The following POSTN variants were observed in gnomAD, a reference collection of about 807,000 sequenced individuals.
POSTN encodes the protein periostin, also known as osteoblast specific factor 2 (fasciclin I-like).
Under a neutral mutation model 104.5 loss-of-function variants are expected in POSTN, and 71 were observed. The observed-to-expected ratio is 0.68, with a 90% CI of 0.56 to 0.83. The LOEUF is 0.83. POSTN is among the 40% of genes least tolerant of loss of function. POSTN has a pLI of 0.00. For synonymous variants in POSTN, 355 were observed against 340.7 expected, an observed-to-expected ratio of 1.04 and a Z score of -0.46; for missense variants, 949 against 1,006.8, an observed-to-expected ratio of 0.94 and a Z score of 0.78.
At chr13:37,568,252 A>T (rs1950171417) in intron 21 of POSTN, among the ~76,000 whole-genome samples, 1 of 152,050 alleles carries the variant, frequency 6.6e-6, no homozygotes, top group African/African-American at 2.4e-5. Flanking sequence ...TCATTGGTTG[A>T]ATTAAAAATT....
At chr13:37,588,752 G>C (rs2138346094) in intron 4 of POSTN, among the ~76,000 whole-genome samples, 1 of 152,260 alleles carries the variant, frequency 6.6e-6, no homozygotes, top group East Asian at 1.9e-4. Flanking sequence ...ATGTTTCTCA[G>C]ATAATACTAA....
At chr13:37,563,636 T>C (rs1348305611) in intron 22 of POSTN, among the ~76,000 whole-genome samples, 2 of 152,122 alleles carry the variant, frequency 1.3e-5, no homozygotes, top group Non-Finnish European at 2.9e-5. Flanking sequence ...TACTGACACA[T>C]TCTTTAGTTA....
At position 37,595,882 on chromosome 13, in the gene POSTN, C is replaced by T. The variant is rs532331352; in HGVS notation, c.218+1302G>A. On this transcript the variant is annotated intron_variant, in intron 2 of 22. Coordinates refer to ENST00000379747, the MANE Select transcript of POSTN (RefSeq NM_006475.3). Reference sequence around the variant, plus strand: ...CGGGAGTGCAGTGGTGCCATCTCGGCTCACTGCAACCTCCACCTCCTAGGT... The same window carrying T: ...CGGGAGTGCAGTGGTGCCATCTCGGTTCACTGCAACCTCCACCTCCTAGGT... Among the ~76,000 whole-genome samples, 3 of 150,392 alleles carry T rather than the reference C, an allele frequency of 2.0e-5. No homozygotes were observed. In the South Asian group the frequency reaches 6.3e-4, roughly 32 times the overall value.
Position 37,564,427 on chromosome 13 carries a change from A to C in POSTN, c.2473+92T>G, listed in dbSNP as rs1455828669. ...TCTCTCTGATCGATAACAAGTTTCA[A>C]TAAAATACTTTAAAATCTTTCCTAT... On this transcript the variant is annotated intron_variant, in intron 22 of 22. Coordinates refer to ENST00000379747, the MANE Select transcript of POSTN (RefSeq NM_006475.3). The C allele has an allele frequency of 6.7e-6, 5 of 742,142 alleles. No individual in the cohort carries two copies. In the Admixed American group the frequency reaches 1.3e-4, roughly 19 times the overall value. The allele number at this position is 742,142 out of a possible 1,614,324, so 46.0% of individuals were successfully genotyped here.
At position 37,579,363 on chromosome 13, in the gene POSTN, G is replaced by C. The variant is rs1373282796; in HGVS notation, c.1661-4C>G. 3 of 1,559,704 alleles carry C rather than the reference G, an allele frequency of 1.9e-6. No individual in the cohort carries two copies. In the African/African-American group the frequency reaches 4.1e-5, roughly 21 times the overall value. ...TTTTGAAGAGCATTTTTGTCCCCTA[G>C]GGGAAAATATATGTTTATTTTTATT... On this transcript the variant is annotated splice_region_variant and splice_polypyrimidine_tract_variant and intron_variant, in intron 12 of 22. Coordinates refer to ENST00000379747, the MANE Select transcript of POSTN (RefSeq NM_006475.3).
rs1950678652 is a variant in POSTN at position 37,584,111 on chromosome 13, A to G, written c.1109-8T>C. 6.2e-7 allele frequency: 1 copy of G among 1,613,452 alleles called. No homozygotes were observed. Among genetic ancestry groups the G allele is most frequent in the Non-Finnish European group, 8.5e-7 (1 of 1,179,784 alleles). On this transcript the variant is annotated splice_region_variant and splice_polypyrimidine_tract_variant and intron_variant, in intron 8 of 22. Transcript: ENST00000379747. Reference sequence around the variant, plus strand: ...GCTCAATAACTTGTTTGGCTGAAAAATAAACCATCACCATCACAACAATGT... The same window carrying G: ...GCTCAATAACTTGTTTGGCTGAAAAGTAAACCATCACCATCACAACAATGT...
At chr13:37,583,178 C>G in intron 9 of POSTN, among the ~76,000 whole-genome samples, 1 of 152,090 alleles carries the variant, frequency 6.6e-6, no homozygotes, top group Non-Finnish European at 1.5e-5. Flanking sequence ...CTGTGAATAG[C>G]AACTACTAGG....
At chr13:37,587,012 A>G (rs1950767110) in intron 5 of POSTN, 84 bp from the exon 6 acceptor site, 2 of 1,199,490 alleles carry the variant, frequency 1.7e-6, no homozygotes, top group Admixed American at 2.1e-5. Flanking sequence ...CCAGTTTTTC[A>G]TTTATACTAG....
At chr13:37,572,222 A>T (rs1241277937) in intron 17 of POSTN, among the ~76,000 whole-genome samples, 1 of 151,608 alleles carries the variant, frequency 6.6e-6, no homozygotes, top group Non-Finnish European at 1.5e-5. Context: ...AGTACATTTA[A>T]CTCATACTGT....
chr13:37,580,602 C>T lies in POSTN; in HGVS notation c.1488G>A (p.Glu496=), dbSNP rs1306144614. The part of the protein sequence containing the change: ...HIFREIIKPA[E]KSLHEKLKQD... ...GTTTTAACTTTTCATGGAGGGATTT[C>T]TCTGCTGGCTTGATGATCTCGCGGA... is the stretch of plus-strand genomic sequence containing the variant. The change falls in exon 11 of 23, where the codon GAG becomes GAA. Residue 496 remains glutamate (E), a synonymous_variant. Transcript: ENST00000379747. The T allele has an allele frequency of 6.2e-7, 1 of 1,614,092 alleles. No individual in the cohort carries two copies. The highest frequency in any genetic ancestry group is 1.7e-5 in the Admixed American group (1 of 60,012).
intron 1 of POSTN, 56 bp from the exon 2 acceptor site, chr13:37,597,338 G>T: frequency 1.8e-6 from 2 of 1,137,352 alleles, no homozygotes; most frequent in Non-Finnish European, 2.5e-6. Flanking sequence ...CTAGTTTTTC[G>T]TATCTAAAGA....
chr13:37,580,124 C>T (rs538441034), intron 11 of POSTN, 133 bp from the exon 12 acceptor site: 46 of 828,026 alleles, frequency 5.6e-5, no homozygotes, highest in South Asian at 2.0e-4. Context: ...TCATATGTTT[C>T]GAATACAATT....
In POSTN at chr13:37,579,216, C is replaced by A; in HGVS notation, c.1791+13G>T. On this transcript the variant is annotated intron_variant, in intron 13 of 22. Coordinates refer to ENST00000379747, the MANE Select transcript of POSTN (RefSeq NM_006475.3). Reference sequence around the variant, plus strand: ...GGATGAACACTATCATAAATTCATTCTAGACAACTTACTTCTTTCAGAAAG... The same window carrying A: ...GGATGAACACTATCATAAATTCATTATAGACAACTTACTTCTTTCAGAAAG... 6.2e-7 allele frequency: 1 copy of A among 1,609,436 alleles called. No homozygotes were observed. Among genetic ancestry groups the A allele is most frequent in the Middle Eastern group, 1.7e-4 (1 of 6,050 alleles).
intron 16 of POSTN, among the ~76,000 whole-genome samples, chr13:37,576,496 T>C (rs1294867802): frequency 6.6e-6 from 1 of 152,132 alleles, no homozygotes; most frequent in Non-Finnish European, 1.5e-5. Flanking sequence ...AAAATAATTA[T>C]ATTTTTGCTC....
At chr13:37,585,633 A>G (rs1248422768) in intron 7 of POSTN, among the ~76,000 whole-genome samples, 1 of 152,146 alleles carries the variant, frequency 6.6e-6, no homozygotes, top group African/African-American at 2.4e-5. Flanking sequence ...CTCATCTTAA[A>G]TTGGTTAAAT....
intron 7 of POSTN, among the ~76,000 whole-genome samples, chr13:37,585,755 G>C (rs1042298971): frequency 1.3e-5 from 2 of 152,154 alleles, no homozygotes; most frequent in African/African-American, 4.8e-5. Flanking sequence ...TCAGTAATTA[G>C]AGGCCCAAGA....
intron 1 of POSTN, among the ~76,000 whole-genome samples, chr13:37,598,092 T>G (rs1417480608): frequency 6.6e-6 from 1 of 152,114 alleles, no homozygotes; most frequent in African/African-American, 2.4e-5. Flanking sequence ...CTTTGCAAAT[T>G]TTACAGAATT....
intron 3 of POSTN, among the ~76,000 whole-genome samples, chr13:37,591,698 T>C (rs1196666205): frequency 6.6e-6 from 1 of 152,100 alleles, no homozygotes; most frequent in Non-Finnish European, 1.5e-5. Flanking sequence ...TTTTTTTCTC[T>C]AGTTGGCAGA....
chr13:37,596,167 G>A (rs146708591), intron 2 of POSTN, among the ~76,000 whole-genome samples: 21 of 152,008 alleles, frequency 1.4e-4, no homozygotes, highest in Non-Finnish European at 2.5e-4. Context: ...TATTCCACCC[G>A]AACTTAGGGT....
Sources: allele counts gnomAD v4.1 joint callset (sites outside exome capture counted in the v4.1 genomes callset), GRCh38; gene constraint gnomAD v4.1.1; transcripts MANE v1.5; gene names NCBI Gene and HGNC (gene_info 2026-07-23, HGNC 2026-07-21).